Variants in SCAPER observed in about 807,000 individuals in gnomAD.
SCAPER encodes the protein S-phase cyclin A associated protein in the ER.
In SCAPER, 98 loss-of-function variants were observed where a neutral mutation model predicts 182.2. The ratio of observed to expected loss-of-function variants is 0.54; its 90% CI spans 0.46 to 0.64. The LOEUF is 0.64. Ranked by LOEUF, SCAPER falls within the 30% of genes least tolerant of loss-of-function variation. The pLI is 0.00. For missense variants in SCAPER, 1,432 were observed against 1,690.0 expected (o/e 0.85, Z 2.68); for synonymous variants, 605 against 564.6 (o/e 1.07, Z -1.01).
chr15:76,766,960 G>A lies in SCAPER; in HGVS notation c.1377C>T (p.Asn459=), dbSNP rs372890905. ...TGTCAGTTTCAATGTTAATATCATT[G>A]TTTTCTTCAGCTTCAATTTCTCTAG... is the stretch of plus-strand genomic sequence containing the variant. ...QLTREIEAEE[N]NDINIETDND... The change falls in exon 11 of 32, where the codon AAC becomes AAT. Residue 459 remains asparagine (N), a synonymous_variant. Coordinates refer to ENST00000563290, the MANE Select transcript of SCAPER (RefSeq NM_020843.4). 6.2e-6 allele frequency: 10 copies of A among 1,608,914 alleles called. No individual in the cohort carries two copies. The African/African-American group carries it at 1.2e-4, about 19-fold the overall frequency.
intron 17 of SCAPER, among the ~76,000 whole-genome samples, chr15:76,726,120 C>T (rs2060569433): frequency 3.0e-5 from 1 of 33,854 alleles, no homozygotes; most frequent in Non-Finnish European, 5.8e-5. Flanking sequence ...GGGTTAATGT[C>T]TAGAATATAT....
chr15:76,484,129 C>T (rs1407219635), intron 24 of SCAPER, among the ~76,000 whole-genome samples: 2 of 152,122 alleles, frequency 1.3e-5, no homozygotes, highest in African/African-American at 4.8e-5. Context: ...AATTGATACA[C>T]ATTCATACAA....
At chr15:76,411,970 C>G (rs546326967) in intron 26 of SCAPER, among the ~76,000 whole-genome samples, 51 of 152,210 alleles carry the variant, frequency 3.4e-4, no homozygotes, top group African/African-American at 1.2e-3. Context: ...ATCTTTCCCC[C>G]ATTCCATGAC....
Position 76,673,952 on chromosome 15 carries a change from TACACACACACACACAC to T in SCAPER, c.2509-8179_2509-8164del, listed in dbSNP as rs71447120. Among the ~76,000 whole-genome samples, 247 of 146,464 alleles carry T rather than the reference TACACACACACACACAC, an allele frequency of 1.7e-3. 1 individual carries two copies. Among genetic ancestry groups the T allele is most frequent in the Non-Finnish European group, 2.8e-3 (187 of 66,966 alleles). Reference sequence around the variant, plus strand: ...AATCCATCAATTCATAATTTATCTATACACACACACACACACACACACACACACACACACACACCCC... The same window carrying T: ...AATCCATCAATTCATAATTTATCTATACACACACACACACACACACACCCC... On this transcript the variant is annotated intron_variant, in intron 20 of 31. Coordinates refer to ENST00000563290, the MANE Select transcript of SCAPER (RefSeq NM_020843.4).
intron 23 of SCAPER, among the ~76,000 whole-genome samples, chr15:76,521,485 C>T (rs1274086466): frequency 1.3e-5 from 2 of 151,922 alleles, no homozygotes; most frequent in African/African-American, 4.8e-5. Context: ...GAGTTCGAGA[C>T]CAATTTTCAT....
At chr15:76,670,893 A>G (rs1159000718) in intron 20 of SCAPER, among the ~76,000 whole-genome samples, 4 of 152,226 alleles carry the variant, frequency 2.6e-5, no homozygotes, top group African/African-American at 9.6e-5. Context: ...AAAATCATCT[A>G]TCTGTCCATT....
chr15:76,853,873 A>G (rs1373088535), intron 4 of SCAPER, among the ~76,000 whole-genome samples: 1 of 152,250 alleles, frequency 6.6e-6, no homozygotes, highest in Non-Finnish European at 1.5e-5. Context: ...GAGGAAGTCA[A>G]AATATCCATT....
At chr15:76,838,599 C>T (rs914546693) in intron 5 of SCAPER, among the ~76,000 whole-genome samples, 5 of 152,172 alleles carry the variant, frequency 3.3e-5, no homozygotes, top group African/African-American at 1.2e-4. Flanking sequence ...ACAGGCTACT[C>T]CAGCAAGTCT....
At chr15:76,751,527 G>A (rs1568012252) in intron 15 of SCAPER, among the ~76,000 whole-genome samples, 1 of 151,710 alleles carries the variant, frequency 6.6e-6, no homozygotes, top group Non-Finnish European at 1.5e-5. Flanking sequence ...CACTAAAACA[G>A]ACATATAGAC....
chr15:76,395,094 G>C (rs958449498), intron 27 of SCAPER, among the ~76,000 whole-genome samples: 3 of 151,496 alleles, frequency 2.0e-5, no homozygotes, highest in Non-Finnish European at 4.4e-5. Context: ...GTGAGAACAT[G>C]TGATGTTTAT....
intron 8 of SCAPER, among the ~76,000 whole-genome samples, chr15:76,783,945 A>C (rs1336490612): frequency 6.6e-6 from 1 of 152,190 alleles, no homozygotes; most frequent in Non-Finnish European, 1.5e-5. Context: ...ATGGGCAAAA[A>C]CTGGAAGCAT....
chr15:76,556,364 A>G (rs1330367287), intron 23 of SCAPER, among the ~76,000 whole-genome samples: 1 of 152,210 alleles, frequency 6.6e-6, no homozygotes, highest in Non-Finnish European at 1.5e-5. Flanking sequence ...GGAGAAAACA[A>G]GAAATAACAA....
intron 21 of SCAPER, among the ~76,000 whole-genome samples, chr15:76,643,797 A>AT (rs542428559): frequency 1.3e-3 from 200 of 152,332 alleles, no homozygotes; most frequent in African/African-American, 4.7e-3. Context: ...AGAGTTCATG[A>AT]TTTTAATTTC....
At chr15:76,713,759 C>A (rs1316560711) in intron 17 of SCAPER, among the ~76,000 whole-genome samples, 1 of 151,532 alleles carries the variant, frequency 6.6e-6, no homozygotes, top group Non-Finnish European at 1.5e-5. Flanking sequence ...TGCACATGTA[C>A]CCTAAAACTT....
intron 15 of SCAPER, among the ~76,000 whole-genome samples, chr15:76,738,387 T>C (rs934290514): frequency 1.3e-5 from 2 of 152,158 alleles, no homozygotes; most frequent in Admixed American, 6.6e-5. Context: ...AGCATTATCA[T>C]TTCCAGCTTT....
chr15:76,397,018 T>C (rs2044110990), intron 27 of SCAPER, among the ~76,000 whole-genome samples: 1 of 151,788 alleles, frequency 6.6e-6, no homozygotes, highest in South Asian at 2.1e-4. Context: ...TTTTTTTTTT[T>C]TTTTTTTTTA....
intron 25 of SCAPER, among the ~76,000 whole-genome samples, chr15:76,451,268 G>A (rs879814539): frequency 2.0e-5 from 3 of 152,106 alleles, no homozygotes; most frequent in East Asian, 1.9e-4. Context: ...TCACCTGTTC[G>A]TGGACATGTG....
chr15:76,445,369 T>C (rs2047926093), intron 25 of SCAPER, among the ~76,000 whole-genome samples: 1 of 152,246 alleles, frequency 6.6e-6, no homozygotes. Context: ...GAGATTTTCC[T>C]GGTTCTTTCT....
In SCAPER at chr15:76,487,964, A is replaced by G. The variant is rs564271583; in HGVS notation, c.2955-16629T>C. Among the ~76,000 whole-genome samples the G allele has an allele frequency of 2.6e-5, 4 of 152,282 alleles. No individual in the cohort carries two copies. In the East Asian group the frequency reaches 7.7e-4, roughly 29 times the overall value. On this transcript the variant is annotated intron_variant, in intron 24 of 31. Coordinates refer to ENST00000563290, the MANE Select transcript of SCAPER (RefSeq NM_020843.4). Reference sequence around the variant, plus strand: ...TATAATCTGGTCCGAAGGATTCTCAATACTACTGGGGTGGTCAATGTTTCT... The same window carrying G: ...TATAATCTGGTCCGAAGGATTCTCAGTACTACTGGGGTGGTCAATGTTTCT...
Sources: gnomAD v4.1 joint callset for allele counts (sites outside exome capture counted in the v4.1 genomes callset) on GRCh38, gnomAD v4.1.1 for gene constraint, MANE v1.5 for transcripts, NCBI Gene and HGNC (gene_info 2026-07-23, HGNC 2026-07-21) for gene names.